The following ATOSA variants were observed in gnomAD, a reference collection of about 807,000 sequenced individuals.
ATOSA encodes atos homolog protein A.
chr15:52,634,365 C>T, the ATOSA span, among the ~76,000 whole-genome samples: 2 of 151,934 alleles, frequency 1.3e-5, no homozygotes, highest in Admixed American at 1.3e-4. Flanking sequence ...AATTGCACCA[C>T]TGCACTCCAG....
At chr15:52,685,679 C>T in the ATOSA span, among the ~76,000 whole-genome samples, 1 of 152,070 alleles carries the variant, frequency 6.6e-6, no homozygotes, top group South Asian at 2.1e-4. Flanking sequence ...AGTGATCTGC[C>T]TGGCCTCGGC....
At chr15:52,651,341 T>G in the ATOSA span, among the ~76,000 whole-genome samples, 1 of 152,314 alleles carries the variant, frequency 6.6e-6, no homozygotes, top group Non-Finnish European at 1.5e-5. Flanking sequence ...GAGGTAGGAT[T>G]TTCAGAAATG....
chr15:52,613,643 G>A, the ATOSA span: 2 of 1,597,580 alleles, frequency 1.3e-6, no homozygotes, highest in South Asian at 1.1e-5. Flanking sequence ...TTATATAAAA[G>A]ATACAAAGCA....
chr15:52,658,749 G>A, the ATOSA span: 3 of 292,276 alleles, frequency 1.0e-5, no homozygotes, highest in African/African-American at 7.8e-5. Flanking sequence ...AAGATTGCTT[G>A]AGGACATGAG....
chr15:52,701,990 C>T, the ATOSA span, among the ~76,000 whole-genome samples: 1 of 151,732 alleles, frequency 6.6e-6, no homozygotes, highest in East Asian at 1.9e-4. Flanking sequence ...GAAAAATGGG[C>T]AAATAACAAA....
At chr15:52,583,083 G>C in the ATOSA span, among the ~76,000 whole-genome samples, 96 of 152,176 alleles carry the variant, frequency 6.3e-4, no homozygotes, top group African/African-American at 2.2e-3. Flanking sequence ...TGTTAAAACA[G>C]ACTGGCTCTG....
chr15:52,687,298 C>T, the ATOSA span, among the ~76,000 whole-genome samples: 322 of 152,180 alleles, frequency 2.1e-3, 5 homozygotes, highest in East Asian at 0.013. Context: ...CCACCTACTC[C>T]GGAGGCTGAG....
At chr15:52,613,443 T>C in the ATOSA span, among the ~76,000 whole-genome samples, 2 of 152,172 alleles carry the variant, frequency 1.3e-5, no homozygotes, top group Non-Finnish European at 2.9e-5. Flanking sequence ...AGGTATGAAA[T>C]TGGGTGCCCA....
chr15:52,592,242 T>C, the ATOSA span, among the ~76,000 whole-genome samples: 6 of 152,062 alleles, frequency 3.9e-5, no homozygotes, highest in Non-Finnish European at 7.4e-5. Context: ...TTGGGCCAGA[T>C]AGTAAGTTAG....
chr15:52,687,402 C>G, the ATOSA span, among the ~76,000 whole-genome samples: 1 of 151,950 alleles, frequency 6.6e-6, no homozygotes, highest in African/African-American at 2.4e-5. Flanking sequence ...GAGACTCCGT[C>G]TCAAAAAATA....
chr15:52,605,043 T>C, the ATOSA span: 1 of 883,292 alleles, frequency 1.1e-6, no homozygotes, highest in Non-Finnish European at 1.7e-6. Flanking sequence ...GATATTTAAA[T>C]TTTTTTCAAT....
chr15:52,667,851 C>A, the ATOSA span, among the ~76,000 whole-genome samples: 1 of 152,076 alleles, frequency 6.6e-6, no homozygotes, highest in East Asian at 1.9e-4. Flanking sequence ...ATCAAAACCA[C>A]AATGAGATAA....
At chr15:52,707,702 C>T in the ATOSA span, among the ~76,000 whole-genome samples, 1 of 151,974 alleles carries the variant, frequency 6.6e-6, no homozygotes, top group Non-Finnish European at 1.5e-5. Flanking sequence ...TATCCTTGGT[C>T]TTAGAAAATA....
chr15:52,617,978 A>G, the ATOSA span, among the ~76,000 whole-genome samples: 1,560 of 152,074 alleles, frequency 0.01, 25 homozygotes, highest in African/African-American at 0.036. Flanking sequence ...GCATTAATGT[A>G]TATGATCTCC....
At chr15:52,583,921 G>A in the ATOSA span, among the ~76,000 whole-genome samples, 1 of 151,748 alleles carries the variant, frequency 6.6e-6, no homozygotes, top group Non-Finnish European at 1.5e-5. Flanking sequence ...TATGGGACTT[G>A]AGTGTACAGC....
At chr15:52,594,623 T>C in the ATOSA span, among the ~76,000 whole-genome samples, 123 of 152,272 alleles carry the variant, frequency 8.1e-4, no homozygotes, top group African/African-American at 2.9e-3. Context: ...AAGACCTGGG[T>C]CACAATCAAC....
At chr15:52,636,305 G>C in the ATOSA span, among the ~76,000 whole-genome samples, 1 of 152,044 alleles carries the variant, frequency 6.6e-6, no homozygotes, top group Non-Finnish European at 1.5e-5. Flanking sequence ...GATTTTAACA[G>C]TCATTGCACC....
the ATOSA span, among the ~76,000 whole-genome samples, chr15:52,585,755 C>G: frequency 6.6e-6 from 1 of 152,134 alleles, no homozygotes; most frequent in Non-Finnish European, 1.5e-5. Flanking sequence ...TGAAACAAAA[C>G]CCCAAGCTGC....
At chr15:52,671,614 G>A in the ATOSA span, among the ~76,000 whole-genome samples, 1 of 152,116 alleles carries the variant, frequency 6.6e-6, no homozygotes, top group Non-Finnish European at 1.5e-5. Context: ...TCAATGCTAT[G>A]AAGGAAATAC....
Sources: allele counts gnomAD v4.1 joint callset (sites outside exome capture counted in the v4.1 genomes callset), GRCh38; gene constraint gnomAD v4.1.1; transcripts MANE v1.5; gene names NCBI Gene and HGNC (gene_info 2026-07-23, HGNC 2026-07-21).